Variants in CCDC91 observed in about 807,000 individuals in gnomAD.
CCDC91 encodes the protein coiled-coil domain-containing protein 91.
CCDC91 carries 48 observed loss-of-function variants against 63.2 expected under a neutral mutation model. That is an observed-to-expected ratio of 0.76 (90% confidence interval 0.60 to 0.97). The LOEUF is 0.97. Ranked by LOEUF, CCDC91 falls within the 50% of genes least tolerant of loss-of-function variation. CCDC91 has a pLI of 0.00. For synonymous variants in CCDC91, 167 were observed against 165.8 expected, an observed-to-expected ratio of 1.01 and a Z score of -0.06; for missense variants, 500 against 494.6, an observed-to-expected ratio of 1.01 and a Z score of -0.10.
intron 12 of CCDC91, among the ~76,000 whole-genome samples, chr12:28,541,947 A>G (rs1942658996): frequency 6.6e-6 from 1 of 152,162 alleles, no homozygotes; most frequent in Non-Finnish European, 1.5e-5. Context: ...ATTTCTGTGC[A>G]GCTACTATAC....
intron 1 of CCDC91, among the ~76,000 whole-genome samples, chr12:28,204,656 T>A (rs1942711047): frequency 1.3e-5 from 2 of 152,154 alleles, no homozygotes; most frequent in Non-Finnish European, 2.9e-5. Context: ...TTATTACATT[T>A]GAATCATGTG....
intron 12 of CCDC91, among the ~76,000 whole-genome samples, chr12:28,487,887 A>T (rs1177061575): frequency 2.0e-5 from 3 of 151,842 alleles, no homozygotes; most frequent in Non-Finnish European, 4.4e-5. Context: ...ATTCATTAAA[A>T]GTTTGAAATG....
intron 12 of CCDC91, among the ~76,000 whole-genome samples, chr12:28,509,738 A>G (rs1939159905): frequency 6.6e-6 from 1 of 151,920 alleles, no homozygotes; most frequent in Admixed American, 6.6e-5. Flanking sequence ...ATTGCTCTTC[A>G]GCGCTGATGA....
chr12:28,441,684 T>C (rs556668052), intron 8 of CCDC91, among the ~76,000 whole-genome samples: 58 of 135,598 alleles, frequency 4.3e-4, no homozygotes, highest in Admixed American at 3.5e-3. Flanking sequence ...ATATATCTCA[T>C]GTGTATATAT....
At chr12:28,423,835 G>T (rs1948153620) in intron 8 of CCDC91, among the ~76,000 whole-genome samples, 2 of 152,090 alleles carry the variant, frequency 1.3e-5, no homozygotes, top group African/African-American at 2.4e-5. Context: ...ATGAGAAGAG[G>T]TAGCCCCAGT....
intron 12 of CCDC91, among the ~76,000 whole-genome samples, chr12:28,518,684 T>A (rs1431546924): frequency 6.6e-6 from 1 of 152,068 alleles, no homozygotes; most frequent in Admixed American, 6.6e-5. Context: ...ATCTTTGTTT[T>A]TATTGCATTT....
At chr12:28,449,255 A>G (rs1333054048) in intron 8 of CCDC91, among the ~76,000 whole-genome samples, 1 of 152,108 alleles carries the variant, frequency 6.6e-6, no homozygotes, top group Non-Finnish European at 1.5e-5. Flanking sequence ...ACTTTAAAAG[A>G]CACAAATCTA....
intron 12 of CCDC91, among the ~76,000 whole-genome samples, chr12:28,537,226 G>GA: frequency 6.6e-6 from 1 of 151,916 alleles, no homozygotes; most frequent in Non-Finnish European, 1.5e-5. Flanking sequence ...GAGAAAGGGG[G>GA]AAAAAAAGGA....
At chr12:28,364,087 A>T (rs1293967441) in intron 7 of CCDC91, among the ~76,000 whole-genome samples, 1 of 151,970 alleles carries the variant, frequency 6.6e-6, no homozygotes, top group Non-Finnish European at 1.5e-5. Context: ...AAAGGTCATT[A>T]AAAAATGTCT....
rs534020882 is a variant in CCDC91 at position 28,451,535 on chromosome 12, T to C, written c.925-943T>C. ...GAAAACTCGTATCTGTTTTCCAATA[T>C]GTATGTTCCTGATGAGATTTATGGT... On this transcript the variant is annotated intron_variant, in intron 10 of 12. Transcript: ENST00000536442. Among the ~76,000 whole-genome samples the C allele has an allele frequency of 2.6e-5, 4 of 151,798 alleles. No individual in the cohort carries two copies. In the East Asian group the frequency reaches 7.7e-4, roughly 29 times the overall value.
intron 8 of CCDC91, chr12:28,412,952 G>A: frequency 3.3e-6 from 1 of 305,708 alleles, no homozygotes; most frequent in Non-Finnish European, 6.5e-6. Context: ...AGTCACTGAA[G>A]ATAACTTTAA....
At chr12:28,284,781 G>A (rs955450508) in intron 3 of CCDC91, among the ~76,000 whole-genome samples, 26 of 152,208 alleles carry the variant, frequency 1.7e-4, no homozygotes, top group African/African-American at 5.8e-4. Context: ...GACTGTATTC[G>A]TGGTCAACAG....
intron 3 of CCDC91, among the ~76,000 whole-genome samples, chr12:28,281,678 T>C (rs1011830406): frequency 2.0e-5 from 3 of 152,168 alleles, no homozygotes; most frequent in African/African-American, 4.8e-5. Context: ...CTATAATAAT[T>C]ATTATTTTTC....
At chr12:28,284,717 G>A (rs972611888) in intron 3 of CCDC91, among the ~76,000 whole-genome samples, 1 of 151,864 alleles carries the variant, frequency 6.6e-6, no homozygotes, top group African/African-American at 2.4e-5. Flanking sequence ...CCTTAAATAC[G>A]ACCAGATATT....
At chr12:28,397,187 G>T (rs1472208882) in intron 8 of CCDC91, among the ~76,000 whole-genome samples, 1 of 152,088 alleles carries the variant, frequency 6.6e-6, no homozygotes, top group Non-Finnish European at 1.5e-5. Context: ...TTCAAAGTTT[G>T]CAGAATAAAC....
chr12:28,248,613 A>G (rs1945916957), intron 1 of CCDC91, among the ~76,000 whole-genome samples: 2 of 152,216 alleles, frequency 1.3e-5, no homozygotes, highest in Admixed American at 1.3e-4. Context: ...TAATCAAATG[A>G]TGTTAATGTT....
chr12:28,357,271 A>C (rs1383869592), intron 6 of CCDC91, among the ~76,000 whole-genome samples: 2 of 152,168 alleles, frequency 1.3e-5, no homozygotes, highest in African/African-American at 4.8e-5. Flanking sequence ...AGGCATATTA[A>C]GAGTATGAAA....
At chr12:28,521,816 A>G (rs1424883101) in intron 12 of CCDC91, among the ~76,000 whole-genome samples, 2 of 152,174 alleles carry the variant, frequency 1.3e-5, no homozygotes. Flanking sequence ...CCTTTTCTGC[A>G]TCTATTGAAA....
chr12:28,470,237 G>A (rs1194187620), intron 11 of CCDC91, among the ~76,000 whole-genome samples: 2 of 151,988 alleles, frequency 1.3e-5, no homozygotes, highest in African/African-American at 4.8e-5. Flanking sequence ...AACCCTATAG[G>A]AAACAATCTA....
Sources: gnomAD v4.1 joint callset for allele counts (sites outside exome capture counted in the v4.1 genomes callset) on GRCh38, gnomAD v4.1.1 for gene constraint, MANE v1.5 for transcripts, NCBI Gene and HGNC (gene_info 2026-07-23, HGNC 2026-07-21) for gene names.